Variants in LIPI observed in about 807,000 individuals in gnomAD.
LIPI encodes the protein lipase member I.
LIPI carries 59 observed loss-of-function variants against 50.6 expected under a neutral mutation model. That is an observed-to-expected ratio of 1.16 (90% CI 0.94 to 1.45). The LOEUF (loss-of-function observed/expected upper bound fraction) is 1.45, where lower values mean the gene tolerates loss of function less well. LIPI is among the 40% of genes most tolerant of loss of function. LIPI has a pLI of 0.00. For missense variants in LIPI, 586 were observed against 536.3 expected, an observed-to-expected ratio of 1.09 and a Z score of -0.92; for synonymous variants, 203 against 178.2, an observed-to-expected ratio of 1.14 and a Z score of -1.11.
intron 7 of LIPI, among the ~76,000 whole-genome samples, chr21:14,156,049 T>C (rs1286466943): frequency 6.6e-6 from 1 of 152,038 alleles, no homozygotes; most frequent in Non-Finnish European, 1.5e-5. Context: ...AAGTGAGGTT[T>C]CCACATTTTA....
At chr21:14,112,350 GT>G (rs540113605) in intron 9 of LIPI, among the ~76,000 whole-genome samples, 21 of 151,456 alleles carry the variant, frequency 1.4e-4, no homozygotes, top group Non-Finnish European at 2.8e-4. Flanking sequence ...AAATTTTAAG[GT>G]TTTTTTTCTA....
At chr21:14,142,626 G>A (rs954419670) in intron 9 of LIPI, among the ~76,000 whole-genome samples, 3 of 151,252 alleles carry the variant, frequency 2.0e-5, no homozygotes, top group Non-Finnish European at 4.4e-5. Flanking sequence ...GGGACTACAG[G>A]CACGCACCAT....
At chr21:14,150,776 G>A (rs2018061678) in intron 8 of LIPI, among the ~76,000 whole-genome samples, 1 of 152,074 alleles carries the variant, frequency 6.6e-6, no homozygotes, top group African/African-American at 2.4e-5. Flanking sequence ...GGGCCGAAAA[G>A]TTTCTCTCAA....
chr21:14,169,972 C>T (rs1227252908), intron 4 of LIPI, among the ~76,000 whole-genome samples: 1 of 151,664 alleles, frequency 6.6e-6, no homozygotes, highest in Non-Finnish European at 1.5e-5. Flanking sequence ...GCTAGCAAGA[C>T]TAATAAAGAA....
intron 9 of LIPI, among the ~76,000 whole-genome samples, chr21:14,125,806 C>G (rs2017040432): frequency 6.6e-6 from 1 of 152,142 alleles, no homozygotes; most frequent in Admixed American, 6.5e-5. Flanking sequence ...CCGCCCGCCT[C>G]CGCCTCCCAA....
chr21:14,168,251 A>C (rs1233528961), intron 4 of LIPI, among the ~76,000 whole-genome samples: 1 of 152,218 alleles, frequency 6.6e-6, no homozygotes, highest in African/African-American at 2.4e-5. Flanking sequence ...GTGTACCTGA[A>C]AGTGACAGGG....
At chr21:14,186,441 G>A (rs890087576) in intron 2 of LIPI, among the ~76,000 whole-genome samples, 11 of 152,060 alleles carry the variant, frequency 7.2e-5, no homozygotes, top group Non-Finnish European at 1.3e-4. Flanking sequence ...TTCCAATTTC[G>A]TTATGAGTTA....
In LIPI at chr21:14,130,371, G is replaced by A. The variant is rs9982893; in HGVS notation, c.1295+14252C>T. 8.3e-3 allele frequency among the ~76,000 whole-genome samples: 1,257 copies of A among 152,274 alleles called. 22 individuals are homozygous for A. The highest frequency in any genetic ancestry group is 0.028 in the African/African-American group (1,162 of 41,548). ...AGAGAGAGAGACAAAAGTGAAATGT[G>A]AAAGATTTTAGCATCTGTGCCCTGC... On this transcript the variant is annotated intron_variant, in intron 9 of 9. Transcript: ENST00000681601.
intron 1 of LIPI, among the ~76,000 whole-genome samples, chr21:14,200,103 C>T (rs1477112146): frequency 1.3e-5 from 2 of 152,034 alleles, no homozygotes; most frequent in Non-Finnish European, 2.9e-5. Context: ...GAACATGCCT[C>T]AAGATAATAA....
chr21:14,178,361 C>T (rs1173678511), intron 4 of LIPI, among the ~76,000 whole-genome samples: 1 of 152,056 alleles, frequency 6.6e-6, no homozygotes, highest in Non-Finnish European at 1.5e-5. Context: ...CTATGCATCT[C>T]TTAACTGTTG....
intron 8 of LIPI, 119 bp from the exon 9 acceptor site, chr21:14,144,918 A>G: frequency 1.6e-6 from 1 of 618,050 alleles, no homozygotes; most frequent in Non-Finnish European, 2.9e-6. Context: ...GAAAAGGCCA[A>G]ACAAAATATT....
intron 5 of LIPI, 118 bp from the exon 6 acceptor site, chr21:14,165,508 G>T: frequency 1.4e-6 from 1 of 699,248 alleles, no homozygotes; most frequent in Non-Finnish European, 2.4e-6. Context: ...GAATATTACT[G>T]ACTATAATAC....
At chr21:14,116,299 G>A (rs1287907706) in intron 9 of LIPI, among the ~76,000 whole-genome samples, 1 of 152,112 alleles carries the variant, frequency 6.6e-6, no homozygotes, top group African/African-American at 2.4e-5. Flanking sequence ...CGAGGCGAGT[G>A]TGGGATGAGC....
At chr21:14,201,915 G>A (rs374222368) in intron 1 of LIPI, among the ~76,000 whole-genome samples, 35 of 152,078 alleles carry the variant, frequency 2.3e-4, no homozygotes, top group East Asian at 2.1e-3. Context: ...TGCAGATGAC[G>A]TGATTGTATA....
At chr21:14,142,535 G>A (rs904167938) in intron 9 of LIPI, among the ~76,000 whole-genome samples, 2 of 150,806 alleles carry the variant, frequency 1.3e-5, no homozygotes, top group African/African-American at 4.8e-5. Flanking sequence ...TCAGGCTGGA[G>A]TGCAGTGGCA....
intron 7 of LIPI, among the ~76,000 whole-genome samples, chr21:14,159,298 C>T (rs557851854): frequency 2.0e-4 from 31 of 151,386 alleles, no homozygotes; most frequent in South Asian, 1.7e-3. Context: ...TTAAAATACG[C>T]ACTAAGCCCA....
At chr21:14,128,327 A>T (rs1426232678) in intron 9 of LIPI, among the ~76,000 whole-genome samples, 1 of 152,096 alleles carries the variant, frequency 6.6e-6, no homozygotes, top group Non-Finnish European at 1.5e-5. Flanking sequence ...TTATTTTTAA[A>T]CTAGTAATAA....
chr21:14,172,417 G>A (rs574235890), intron 4 of LIPI, among the ~76,000 whole-genome samples: 7 of 152,214 alleles, frequency 4.6e-5, no homozygotes, highest in East Asian at 1.9e-4. Context: ...ACATGCACAC[G>A]TATGTTTATT....
intron 9 of LIPI, among the ~76,000 whole-genome samples, chr21:14,129,034 A>T (rs1335136650): frequency 1.3e-5 from 2 of 152,138 alleles, no homozygotes; most frequent in Non-Finnish European, 2.9e-5. Flanking sequence ...AGAAGGAGAC[A>T]TAGTTTCACA....
Sources: allele counts gnomAD v4.1 joint callset (sites outside exome capture counted in the v4.1 genomes callset), GRCh38; gene constraint gnomAD v4.1.1; transcripts MANE v1.5; gene names NCBI Gene and HGNC (gene_info 2026-07-23, HGNC 2026-07-21).